The following HDAC9 variants were observed in gnomAD, a reference collection of about 807,000 sequenced individuals.
HDAC9 encodes the protein histone deacetylase 9.
HDAC9 carries 41 observed loss-of-function variants against 139.4 expected under a neutral mutation model. The observed-to-expected ratio is 0.29, with a 90% CI of 0.23 to 0.38. The LOEUF is 0.38. HDAC9 is among the 10% of genes least tolerant of loss of function. The probability of loss-of-function intolerance (pLI) is 1.00; values close to 1 mark genes in which losing one functional copy is unlikely to be tolerated. For synonymous variants in HDAC9, 517 were observed against 476.2 expected (o/e 1.09, Z -1.12); for missense variants, 1,147 against 1,297.0 (o/e 0.88, Z 1.78).
At chr7:18,690,766 A>G (rs1782615352) in intron 12 of HDAC9, among the ~76,000 whole-genome samples, 1 of 152,028 alleles carries the variant, frequency 6.6e-6, no homozygotes, top group African/African-American at 2.4e-5. Context: ...CAATTTTGCA[A>G]ACAAGACGTA....
At chr7:18,555,621 A>G (rs1818561689) in intron 2 of HDAC9, among the ~76,000 whole-genome samples, 1 of 152,140 alleles carries the variant, frequency 6.6e-6, no homozygotes, top group African/African-American at 2.4e-5. Flanking sequence ...AAGATCCAAG[A>G]GGATATACTG....
chr7:18,830,081 C>A (rs1371864335), intron 19 of HDAC9, among the ~76,000 whole-genome samples: 3 of 152,106 alleles, frequency 2.0e-5, no homozygotes, highest in Non-Finnish European at 4.4e-5. Flanking sequence ...GTTAGAGGCA[C>A]TAGATTAGTC....
At chr7:18,742,024 G>A (rs1244356334) in intron 13 of HDAC9, among the ~76,000 whole-genome samples, 1 of 152,172 alleles carries the variant, frequency 6.6e-6, no homozygotes, top group Non-Finnish European at 1.5e-5. Flanking sequence ...TCTTGGGATG[G>A]AGTGTACTCC....
At chr7:18,829,402 T>G in intron 18 of HDAC9, 59 bp from the exon 19 acceptor site, 5 of 1,336,232 alleles carry the variant, frequency 3.7e-6, no homozygotes, top group Middle Eastern at 1.8e-4. Context: ...GAACATTATT[T>G]ATAATGGTTT....
chr7:18,440,084 G>T (rs193086500), intron 1 of HDAC9, among the ~76,000 whole-genome samples: 1 of 151,966 alleles, frequency 6.6e-6, no homozygotes, highest in Non-Finnish European at 1.5e-5. Flanking sequence ...GACTGTAAGA[G>T]AAATTCCTGT....
intron 7 of HDAC9, among the ~76,000 whole-genome samples, chr7:18,629,906 G>A (rs1781817859): frequency 6.6e-6 from 1 of 152,138 alleles, no homozygotes; most frequent in Non-Finnish European, 1.5e-5. Flanking sequence ...ACATGGAACA[G>A]CAAAACCTTG....
intron 2 of HDAC9, among the ~76,000 whole-genome samples, chr7:18,580,185 CAAAT>C (rs1013864381): frequency 2.6e-5 from 4 of 152,094 alleles, no homozygotes; most frequent in African/African-American, 9.7e-5. Flanking sequence ...TGTTCATGCT[CAAAT>C]AAATGTAATT....
At chr7:18,377,030 A>G (rs1429822011) in intron 1 of HDAC9, among the ~76,000 whole-genome samples, 4 of 152,102 alleles carry the variant, frequency 2.6e-5, no homozygotes, top group Admixed American at 2.6e-4. Flanking sequence ...TTGGCTAGAG[A>G]TACAGTGTTG....
chr7:18,984,564 T>C (rs1785178311), intron 25 of HDAC9, among the ~76,000 whole-genome samples: 1 of 151,884 alleles, frequency 6.6e-6, no homozygotes, highest in Non-Finnish European at 1.5e-5. Context: ...GTAATTGTGG[T>C]AAAGAAGCCA....
intron 17 of HDAC9, among the ~76,000 whole-genome samples, chr7:18,794,272 G>A (rs1228218006): frequency 3.3e-5 from 5 of 152,072 alleles, no homozygotes; most frequent in African/African-American, 9.7e-5. Context: ...GGGGCTTAGG[G>A]AAATATATTA....
At chr7:18,213,466 A>G (rs1329826112) in intron 2 of HDAC9, among the ~76,000 whole-genome samples, 1 of 152,112 alleles carries the variant, frequency 6.6e-6, no homozygotes, top group Admixed American at 6.6e-5. Flanking sequence ...TTGCTTACAG[A>G]TGCTTATTAA....
At chr7:18,808,356 A>G (rs1056683676) in intron 17 of HDAC9, 4 of 152,238 alleles carry the variant, frequency 2.6e-5, no homozygotes, top group Admixed American at 2.6e-4. Flanking sequence ...AGTGAAAGGC[A>G]TCCAAATTAG....
intron 25 of HDAC9, among the ~76,000 whole-genome samples, chr7:18,984,466 G>C (rs1785167219): frequency 6.6e-6 from 1 of 152,110 alleles, no homozygotes; most frequent in Admixed American, 6.6e-5. Context: ...GAGAGAGAGA[G>C]AGATAACTTA....
intron 1 of HDAC9, among the ~76,000 whole-genome samples, chr7:18,399,576 A>T (rs1461601333): frequency 1.3e-5 from 2 of 152,210 alleles, no homozygotes; most frequent in African/African-American, 4.8e-5. Context: ...AAGGCACATC[A>T]TAGCAACCAG....
intron 2 of HDAC9, among the ~76,000 whole-genome samples, chr7:18,507,347 C>T (rs868377677): frequency 2.6e-5 from 4 of 151,412 alleles, no homozygotes; most frequent in Non-Finnish European, 5.9e-5. Context: ...CCCGCCACCA[C>T]GCCCGGCTAG....
intron 22 of HDAC9, among the ~76,000 whole-genome samples, chr7:18,906,599 G>T (rs1022968345): frequency 1.2e-4 from 18 of 152,280 alleles, no homozygotes; most frequent in African/African-American, 3.8e-4. Context: ...GAAAATGATG[G>T]TAAAGAGATT....
intron 2 of HDAC9, among the ~76,000 whole-genome samples, chr7:18,576,759 A>G (rs1294622943): frequency 6.6e-6 from 1 of 152,176 alleles, no homozygotes; most frequent in Non-Finnish European, 1.5e-5. Context: ...TTGTGTCTGC[A>G]ATGATAAAAA....
At chr7:18,105,837 C>T (rs958970815) in intron 1 of HDAC9, among the ~76,000 whole-genome samples, 2 of 152,006 alleles carry the variant, frequency 1.3e-5, no homozygotes, top group Non-Finnish European at 2.9e-5. Context: ...ATGTTTACCA[C>T]CTGGTGAATA....
intron 25 of HDAC9, among the ~76,000 whole-genome samples, chr7:18,988,067 T>C (rs1785525203): frequency 6.6e-6 from 1 of 152,224 alleles, no homozygotes; most frequent in Non-Finnish European, 1.5e-5. Context: ...CTCTATTCAG[T>C]TCTGCTCTGA....
Sources: gnomAD v4.1 joint callset for allele counts (sites outside exome capture counted in the v4.1 genomes callset) on GRCh38, gnomAD v4.1.1 for gene constraint, MANE v1.5 for transcripts, NCBI Gene and HGNC (gene_info 2026-07-23, HGNC 2026-07-21) for gene names.